Variants in IFFO1 observed in about 807,000 individuals in gnomAD.
IFFO1 encodes intermediate filament family orphan 1.
Under a neutral mutation model 59.6 loss-of-function variants are expected in IFFO1, and 42 were observed. That is an observed-to-expected ratio of 0.70 (90% CI 0.55 to 0.91). The LOEUF (loss-of-function observed/expected upper bound fraction) is 0.91, where lower values mean the gene tolerates loss of function less well. Ranked by LOEUF, IFFO1 falls within the 40% of genes least tolerant of loss-of-function variation. The pLI, the probability that IFFO1 is intolerant of heterozygous loss-of-function variation, is 0.00. For missense variants in IFFO1, 711 were observed against 793.2 expected, an observed-to-expected ratio of 0.90 and a Z score of 1.24; for synonymous variants, 336 against 342.8, an observed-to-expected ratio of 0.98 and a Z score of 0.22.
chr12:6,555,178 C>A lies in IFFO1; in HGVS notation c.773+79G>T. The A allele has an allele frequency of 7.0e-7, 1 of 1,426,974 alleles. No homozygotes were observed. The allele number at this position is 1,426,974 out of a possible 1,614,324, so 88.4% of individuals were successfully genotyped here. On this transcript the variant is annotated intron_variant, in intron 1 of 9. Coordinates refer to ENST00000619571, the MANE Select transcript of IFFO1 (RefSeq NM_001193457.2). The surrounding 1 kb of genome is among the most constrained non-coding windows in gnomAD (Gnocchi z 8.6). Reference sequence around the variant, plus strand: ...ACTCTCATTCTTTTCACCCCTGATTCTTCGGAACCCACACCAACTCGCGGC... The same window carrying A: ...ACTCTCATTCTTTTCACCCCTGATTATTCGGAACCCACACCAACTCGCGGC...
Position 6,548,863 on chromosome 12 carries a change from G to T in IFFO1, c.1081-14C>A, listed in dbSNP as rs1219626384. 6.3e-7 allele frequency: 1 copy of T among 1,596,526 alleles called. No homozygotes were observed. The highest frequency in any genetic ancestry group is 2.3e-5 in the East Asian group (1 of 44,174). On this transcript the variant is annotated splice_polypyrimidine_tract_variant and intron_variant, in intron 5 of 9. Transcript: ENST00000619571. The surrounding 1 kb of genome is among the most constrained non-coding windows in gnomAD (Gnocchi z 6.1). Reference sequence around the variant, plus strand: ...CAAGTGCAGAGACTACAGAGACGAGGCCGGGTGCATGAGGAGAAAGGGCGG... The same window carrying T: ...CAAGTGCAGAGACTACAGAGACGAGTCCGGGTGCATGAGGAGAAAGGGCGG...
In IFFO1 at chr12:6,548,256, T is replaced by A; in HGVS notation, c.1384-96A>T. ...GTCAGGGAGAGAGAGAGAGAGGAAG[T>A]CTGGTTAAAGAAACTGGAGAAAGAA... On this transcript the variant is annotated intron_variant, in intron 7 of 9. Coordinates refer to ENST00000619571, the MANE Select transcript of IFFO1 (RefSeq NM_001193457.2). The surrounding 1 kb of genome is among the most constrained non-coding windows in gnomAD (Gnocchi z 6.1). 1 of 1,341,562 alleles carries A rather than the reference T, an allele frequency of 7.5e-7. No individual in the cohort carries two copies. The highest frequency in any genetic ancestry group is 1.7e-5 in the Admixed American group (1 of 58,790). The allele number at this position is 1,341,562 out of a possible 1,614,324, so 83.1% of individuals were successfully genotyped here.
rs1389430376 is a variant in IFFO1, at chr12:6,555,521, G to A, written c.509C>T (p.Ser170Phe). 1.9e-6 allele frequency: 3 copies of A among 1,567,636 alleles called. No individual in the cohort carries two copies. The African/African-American group carries it at 4.1e-5, about 22-fold the overall frequency. The stretch of plus-strand genomic sequence containing the variant: ...GGAGGACGACGAGAGGCTGGCCGCG[G>A]AGGGCGCGAGGGGGCCGGCCGGGGA... ...ARSPAGPLAP[S>F]AASLSSSSTS... The change falls in exon 1 of 10, where the codon TCC becomes TTC. Residue 170 changes from serine to phenylalanine, a missense_variant. Transcript: ENST00000619571. This position sits in a 1 kb window ranked among gnomAD's most constrained non-coding sequence, Gnocchi z 8.6.
At chr12:6,554,341 G>T (rs973024851) in intron 1 of IFFO1, among the ~76,000 whole-genome samples, 1 of 152,178 alleles carries the variant, frequency 6.6e-6, no homozygotes, top group Non-Finnish European at 1.5e-5. Flanking sequence ...CAAGGCTTGG[G>T]TTGGAGTCTG....
chr12:6,551,059 T>C (rs7301426), intron 1 of IFFO1, 58 bp from the exon 2 acceptor site: 399,080 of 1,552,960 alleles, frequency 0.26, 52,591 homozygotes, highest in African/African-American at 0.33. Flanking sequence ...CCTGCCCCCA[T>C]GGCTCCCTGT....
intron 8 of IFFO1, among the ~76,000 whole-genome samples, chr12:6,546,576 C>T (rs564901386): frequency 2.0e-5 from 3 of 152,252 alleles, no homozygotes; most frequent in Admixed American, 1.3e-4. Flanking sequence ...CTCCGCCTCC[C>T]GGGTTCACGC....
rs138286236 is a variant in IFFO1 at position 6,551,758 on chromosome 12, G to A, written c.774-757C>T. 3,312 of 344,126 alleles carry A rather than the reference G, an allele frequency of 9.6e-3. 16 individuals are homozygous for A. Among genetic ancestry groups the A allele is most frequent in the Non-Finnish European group, 0.013 (2,296 of 173,920 alleles). 21.3% of individuals were successfully genotyped at this position (344,126 alleles called of 1,614,324 possible). A position where few individuals can be genotyped will look rare whatever the true frequency, so the allele number is the denominator to read the frequency against. On this transcript the variant is annotated intron_variant, in intron 1 of 9. Coordinates refer to ENST00000619571, the MANE Select transcript of IFFO1 (RefSeq NM_001193457.2). ...GTATGTAAAGGGGCCCGGTGAGTAC[G>A]GCAAATGAGAACTAGACACAGCCTG...
chr12:6,552,400 C>T (rs1266922151), intron 1 of IFFO1, among the ~76,000 whole-genome samples: 1 of 152,234 alleles, frequency 6.6e-6, no homozygotes, highest in Non-Finnish European at 1.5e-5. Context: ...TCCCAGCCCC[C>T]TTCCCTGTGT....
At chr12:6,550,500 T>C in intron 3 of IFFO1, 195 bp downstream of exon 3, 1 of 587,770 alleles carries the variant, frequency 1.7e-6, no homozygotes, top group East Asian at 2.8e-5. Context: ...CTGCGCCACC[T>C]CTGTGACGCA....
chr12:6,555,310 A>C lies in IFFO1; in HGVS notation c.720T>G (p.Ala240=). The change falls in exon 1 of 10, where the codon GCT becomes GCG. Residue 240 remains alanine, a synonymous_variant. Transcript: ENST00000619571. The surrounding 1 kb of genome is among the most constrained non-coding windows in gnomAD (Gnocchi z 8.6). Reference sequence around the variant, plus strand: ...TCACTTTGGCCAGCACGTTGTAGAGAGCGCGGATCTCGGGCGTGATGGTGT... The same window carrying C: ...TCACTTTGGCCAGCACGTTGTAGAGCGCGCGGATCTCGGGCGTGATGGTGT... ...QIDTITPEIR[A]LYNVLAKVKR... 6.2e-7 allele frequency: 1 copy of C among 1,614,006 alleles called. No individual in the cohort carries two copies. The highest frequency in any genetic ancestry group is 8.5e-7 in the Non-Finnish European group (1 of 1,180,000).
In IFFO1 at chr12:6,555,857, G is replaced by A. The variant is rs769454312; in HGVS notation, c.173C>T (p.Pro58Leu). 19 of 1,607,654 alleles carry A rather than the reference G, an allele frequency of 1.2e-5. No individual in the cohort carries two copies. The highest frequency in any genetic ancestry group is 1.4e-5 in the Non-Finnish European group (17 of 1,178,140). ...GAGGGCCATGGCGGCAGGCGGGGCCGGGCCCGGCCCGGGCGGCGAGTAGGC... is the reference window on the plus strand; with the variant it reads ...GAGGGCCATGGCGGCAGGCGGGGCCAGGCCCGGCCCGGGCGGCGAGTAGGC... ...PAAYSPPGPG[P>L]APPAAMALRN... Residue 58 changes from proline to leucine, a missense_variant, in exon 1 of 10, where the codon CCG becomes CTG. Around this residue, in one of 3 missense-constraint regions of IFFO1, gnomAD observed 114 missense variants for 102.4 expected, o/e 1.11. Transcript: ENST00000619571. The surrounding 1 kb of genome is among the most constrained non-coding windows in gnomAD (Gnocchi z 8.6).
intron 9 of IFFO1, among the ~76,000 whole-genome samples, chr12:6,540,791 TG>T (rs1946674444): frequency 6.6e-6 from 1 of 152,098 alleles, no homozygotes; most frequent in Non-Finnish European, 1.5e-5. Context: ...GCCTGTGTCT[TG>T]GGAACTCAGA....
chr12:6,555,972 C>T lies in IFFO1; in HGVS notation c.58G>A (p.Ala20Thr), dbSNP rs1025501862. 15 of 1,569,972 alleles carry T rather than the reference C, an allele frequency of 9.6e-6. No homozygotes were observed. Among genetic ancestry groups the T allele is most frequent in the Non-Finnish European group, 1.3e-5 (15 of 1,165,064 alleles). ...FLLQQEQQGL[A>T]GPLGDSLGGD... ...CCCAGTGAGTCCCCCAGTGGCCCGGCCAGGCCCTGCTGCTCCTGCTGCAGG... is the reference window on the plus strand; with the variant it reads ...CCCAGTGAGTCCCCCAGTGGCCCGGTCAGGCCCTGCTGCTCCTGCTGCAGG... The change falls in exon 1 of 10, where the codon GCC becomes ACC. Residue 20 changes from alanine (A) to threonine (T), a missense_variant. Transcript: ENST00000619571. The surrounding 1 kb of genome is among the most constrained non-coding windows in gnomAD (Gnocchi z 8.6).
chr12:6,539,641 G>A lies in IFFO1; in HGVS notation c.*842C>T, dbSNP rs372337349. 2 of 152,322 alleles carry A rather than the reference G, an allele frequency of 1.3e-5. No homozygotes were observed. Among genetic ancestry groups the A allele is most frequent in the East Asian group, 3.9e-4 (2 of 5,192 alleles). 9.4% of individuals were successfully genotyped at this position (152,322 alleles called of 1,614,324 possible). On this transcript the variant is annotated 3_prime_UTR_variant, in exon 10 of 10. Coordinates refer to ENST00000619571, the MANE Select transcript of IFFO1 (RefSeq NM_001193457.2). ...AACCGCATCTCCCCAGCTTCTCCAG[G>A]CTTTTCCAAGAATCAGGGACACTGT... is the stretch of plus-strand genomic sequence containing the variant.
Position 6,555,435 on chromosome 12 carries a change from A to G in IFFO1, c.595T>C (p.Phe199Leu). The change falls in exon 1 of 10, where the codon TTC becomes CTC. Residue 199 changes from phenylalanine (F) to leucine (L), a missense_variant. Around this residue, in one of 3 missense-constraint regions of IFFO1, gnomAD observed 579 missense variants for 650.3 expected, o/e 0.89. Coordinates refer to ENST00000619571, the MANE Select transcript of IFFO1 (RefSeq NM_001193457.2). This position sits in a 1 kb window ranked among gnomAD's most constrained non-coding sequence, Gnocchi z 8.6. Reference sequence around the variant, plus strand: ...GGCCCGAGCCGGCGGGCGTGCGAGAACGACCAGATGGTGCCGGGCATGAAG... The same window carrying G: ...GGCCCGAGCCGGCGGGCGTGCGAGAGCGACCAGATGGTGCCGGGCATGAAG... ...ARFMPGTIWS[F>L]SHARRLGPGL... 6.2e-7 allele frequency: 1 copy of G among 1,613,912 alleles called. No individual in the cohort carries two copies. Among genetic ancestry groups the G allele is most frequent in the South Asian group, 1.1e-5 (1 of 91,086 alleles).
chr12:6,551,095 G>T, intron 1 of IFFO1, 94 bp from the exon 2 acceptor site: 2 of 1,297,208 alleles, frequency 1.5e-6, no homozygotes, highest in South Asian at 1.2e-5. Flanking sequence ...TCAGGCCTCA[G>T]ACCCCAGTTC....
chr12:6,545,168 T>C (rs1001934583), intron 8 of IFFO1, among the ~76,000 whole-genome samples: 7 of 151,654 alleles, frequency 4.6e-5, no homozygotes, highest in Admixed American at 2.0e-4. Flanking sequence ...TGAGCTGAGA[T>C]CGCGCCACTG....
At chr12:6,551,369 C>T (rs1947224667) in intron 1 of IFFO1, 1 of 1,268,752 alleles carries the variant, frequency 7.9e-7, no homozygotes, top group Admixed American at 2.3e-5. Flanking sequence ...CACACCAGAC[C>T]ACCAGGTCCA....
chr12:6,539,432 CAG>C (rs1486560999), downstream of IFFO1: 1 of 150,852 alleles, frequency 6.6e-6, no homozygotes, highest in African/African-American at 2.4e-5. Context: ...GCCTAGGCAA[CAG>C]AGTATGAGAC....
Sources: allele counts gnomAD v4.1 joint callset (sites outside exome capture counted in the v4.1 genomes callset), GRCh38; gene constraint gnomAD v4.1.1; regional missense constraint gnomAD v4.1.1; non-coding constraint Gnocchi (gnomAD v3.1); transcripts MANE v1.5; gene names NCBI Gene and HGNC (gene_info 2026-07-23, HGNC 2026-07-21).